The following EVI2A variants were observed in gnomAD, a reference collection of about 807,000 sequenced individuals.
EVI2A encodes protein EVI2A.
Under a neutral mutation model 13.0 loss-of-function variants are expected in EVI2A, and 11 were observed. The observed-to-expected ratio is 0.85, with a 90% CI of 0.53 to 1.40. The LOEUF (loss-of-function observed/expected upper bound fraction) is 1.40, where lower values mean the gene tolerates loss of function less well. EVI2A is among the 40% of genes most tolerant of loss of function. EVI2A has a pLI of 0.00. For missense variants in EVI2A, 267 were observed against 279.5 expected (o/e 0.96, Z 0.32); for synonymous variants, 89 against 98.0 (o/e 0.91, Z 0.54).
rs1244439885 is a variant in EVI2A, at chr17:31,318,838, A to G, written c.176T>C (p.Ile59Thr). ...TTCAGGAGTTATAGGGTTTGTGTTAATGTTTTCATTTTGGTTTCTGCCTGT... is the reference window on the plus strand; with the variant it reads ...TTCAGGAGTTATAGGGTTTGTGTTAGTGTTTTCATTTTGGTTTCTGCCTGT... Reference protein sequence around the residue: ...NKTGRNQNENINTNPITPEVD... With the variant: ...NKTGRNQNENTNTNPITPEVD... Residue 59 changes from isoleucine (I) to threonine (T), a missense_variant, in exon 2 of 2, where the codon ATT becomes ACT. Physicochemically the swap from Ile to Thr is moderately conservative, Grantham distance 89. Coordinates refer to ENST00000462804, the MANE Select transcript of EVI2A (RefSeq NM_014210.4). 1 of 1,613,930 alleles carries G rather than the reference A, an allele frequency of 6.2e-7. No individual in the cohort carries two copies. Among genetic ancestry groups the G allele is most frequent in the Non-Finnish European group, 8.5e-7 (1 of 1,179,958 alleles).
rs2069073570 is a variant in EVI2A at position 31,318,159 on chromosome 17, TC to T, written c.*143del. The T allele has an allele frequency of 1.0e-6, 1 of 963,928 alleles. No individual in the cohort carries two copies. The highest frequency in any genetic ancestry group is 1.5e-6 in the Non-Finnish European group (1 of 658,016). 59.7% of individuals were successfully genotyped at this position (963,928 alleles called of 1,614,324 possible). ...TTAAATAATTAAGCAGGCATACTTC[TC>T]CCTGTCTCACCTGCTTGATTCTAAA... On this transcript the variant is annotated 3_prime_UTR_variant, in exon 2 of 2. Transcript: ENST00000462804.
intron 1 of EVI2A, among the ~76,000 whole-genome samples, chr17:31,319,926 T>C (rs955985208): frequency 1.3e-5 from 2 of 152,100 alleles, no homozygotes; most frequent in African/African-American, 4.8e-5. Context: ...TCTTGATGAT[T>C]TGGGATGAAG....
chr17:31,318,172 T>C lies in EVI2A; in HGVS notation c.*131A>G. On this transcript the variant is annotated 3_prime_UTR_variant, in exon 2 of 2. Coordinates refer to ENST00000462804, the MANE Select transcript of EVI2A (RefSeq NM_014210.4). ...CAGGCATACTTCTCCCTGTCTCACC[T>C]GCTTGATTCTAAATTGCAAGGTCTA... The C allele has an allele frequency of 1.7e-6, 2 of 1,154,680 alleles. No homozygotes were observed. The highest frequency in any genetic ancestry group is 1.2e-6 in the Non-Finnish European group (1 of 825,072). The allele number at this position is 1,154,680 out of a possible 1,614,324, so 71.5% of individuals were successfully genotyped here. A position where few individuals can be genotyped will look rare whatever the true frequency, so the allele number is the denominator to read the frequency against.
intron 1 of EVI2A, chr17:31,320,502 G>A (rs373357702): frequency 8.3e-5 from 113 of 1,367,464 alleles, no homozygotes; most frequent in Non-Finnish European, 1.1e-4. Context: ...GTCATTGGCT[G>A]ACATTTGTAT....
Position 31,318,899 on chromosome 17 carries a change from T to C in EVI2A, c.115A>G (p.Ser39Gly). 2 of 1,614,126 alleles carry C rather than the reference T, an allele frequency of 1.2e-6. No homozygotes were observed. Among genetic ancestry groups the C allele is most frequent in the African/African-American group, 1.3e-5 (1 of 75,058 alleles). Residue 39 changes from serine (S) to glycine (G), a missense_variant, in exon 2 of 2, where the codon AGT (serine) becomes GGT (glycine). By Grantham distance (56) the Ser-to-Gly change is moderately conservative (BLOSUM62 0). Coordinates refer to ENST00000462804, the MANE Select transcript of EVI2A (RefSeq NM_014210.4). ...ATAACTGAATCCCAGGAAGAAGTACTGTTAGCCCACAGACGGGTATAGTTT... is the reference window on the plus strand; with the variant it reads ...ATAACTGAATCCCAGGAAGAAGTACCGTTAGCCCACAGACGGGTATAGTTT... The part of the protein sequence containing the change: ...KANYTRLWAN[S>G]TSSWDSVIQN...
chr17:31,319,085 A>G (rs2069108843), intron 1 of EVI2A, 62 bp from the exon 2 acceptor site: 1 of 1,493,100 alleles, frequency 6.7e-7, no homozygotes, highest in African/African-American at 1.4e-5. Flanking sequence ...AGTTTTGGTA[A>G]TTGTAGTTAA....
At chr17:31,320,116 T>C (rs2069142331) in intron 1 of EVI2A, among the ~76,000 whole-genome samples, 1 of 152,158 alleles carries the variant, frequency 6.6e-6, no homozygotes, top group Admixed American at 6.5e-5. Flanking sequence ...CATGTACTGC[T>C]AACCCAGCAG....
chr17:31,318,037 C>T lies in EVI2A; in HGVS notation c.*266G>A, dbSNP rs2069070752. The T allele has an allele frequency of 2.5e-6, 1 of 407,886 alleles. No individual in the cohort carries two copies. Among genetic ancestry groups the T allele is most frequent in the Admixed American group, 4.1e-5 (1 of 24,098 alleles). The allele number at this position is 407,886 out of a possible 1,614,324, so 25.3% of individuals were successfully genotyped here. A position where few individuals can be genotyped will look rare whatever the true frequency, so the allele number is the denominator to read the frequency against. On this transcript the variant is annotated 3_prime_UTR_variant, in exon 2 of 2. Coordinates refer to ENST00000462804, the MANE Select transcript of EVI2A (RefSeq NM_014210.4). ...ATTATCCCTTGCTATCTCTATTAATCAGTTTCCTCAATTTATCCTTAAAAT... is the reference window on the plus strand; with the variant it reads ...ATTATCCCTTGCTATCTCTATTAATTAGTTTCCTCAATTTATCCTTAAAAT...
At position 31,318,171 on chromosome 17, in the gene EVI2A, C is replaced by T. The variant is rs2069073914; in HGVS notation, c.*132G>A. ...GCAGGCATACTTCTCCCTGTCTCACCTGCTTGATTCTAAATTGCAAGGTCT... is the reference window on the plus strand; with the variant it reads ...GCAGGCATACTTCTCCCTGTCTCACTTGCTTGATTCTAAATTGCAAGGTCT... On this transcript the variant is annotated 3_prime_UTR_variant, in exon 2 of 2. Coordinates refer to ENST00000462804, the MANE Select transcript of EVI2A (RefSeq NM_014210.4). The T allele has an allele frequency of 8.7e-7, 1 of 1,143,750 alleles. No individual in the cohort carries two copies. The highest frequency in any genetic ancestry group is 1.2e-6 in the Non-Finnish European group (1 of 816,502). The allele number at this position is 1,143,750 out of a possible 1,614,324, so 70.9% of individuals were successfully genotyped here. A position where few individuals can be genotyped will look rare whatever the true frequency, so the allele number is the denominator to read the frequency against.
chr17:31,320,091 A>G (rs2069140722), intron 1 of EVI2A, among the ~76,000 whole-genome samples: 1 of 152,138 alleles, frequency 6.6e-6, no homozygotes. Flanking sequence ...GGCATATCTT[A>G]GAATTTAACA....
chr17:31,320,581 T>C (rs1450204558), intron 1 of EVI2A: 8 of 607,636 alleles, frequency 1.3e-5, no homozygotes, highest in Non-Finnish European at 2.0e-5. Context: ...AAGTAGCATG[T>C]AATAAACAAT....
chr17:31,319,126 A>G, intron 1 of EVI2A, 103 bp from the exon 2 acceptor site: 1 of 1,220,230 alleles, frequency 8.2e-7, no homozygotes, highest in Non-Finnish European at 1.1e-6. Flanking sequence ...CAAGTAAACT[A>G]CAAGCTTATG....
chr17:31,318,949 A>G lies in EVI2A; in HGVS notation c.65T>C (p.Phe22Ser). ...LHLAFLMTTV[F>S]SLSPGTKANY... Reference sequence around the variant, plus strand: ...TGCTTTTGTTCCAGGAGACAAAGAAAAAACTGTTGTCATCAGAAAGGCAAG... The same window carrying G: ...TGCTTTTGTTCCAGGAGACAAAGAAGAAACTGTTGTCATCAGAAAGGCAAG... The change falls in exon 2 of 2, where the codon TTT becomes TCT. Residue 22 changes from phenylalanine to serine, a missense_variant. Transcript: ENST00000462804. 2 of 1,613,764 alleles carry G rather than the reference A, an allele frequency of 1.2e-6. No homozygotes were observed. The highest frequency in any genetic ancestry group is 1.7e-6 in the Non-Finnish European group (2 of 1,179,934).
Position 31,318,888 on chromosome 17 carries a change from G to A in EVI2A, c.126C>T (p.Ser42=). 1 of 1,614,020 alleles carries A rather than the reference G, an allele frequency of 6.2e-7. No homozygotes were observed. The highest frequency in any genetic ancestry group is 1.1e-5 in the South Asian group (1 of 91,082). The stretch of plus-strand genomic sequence containing the variant: ...TCTTGTTTTGAATAACTGAATCCCA[G>A]GAAGAAGTACTGTTAGCCCACAGAC... ...YTRLWANSTS[S]WDSVIQNKTG... Residue 42 remains serine (S), a synonymous_variant, in exon 2 of 2, where the codon TCC becomes TCT. Coordinates refer to ENST00000462804, the MANE Select transcript of EVI2A (RefSeq NM_014210.4).
At chr17:31,319,070 A>T in intron 1 of EVI2A, 47 bp from the exon 2 acceptor site, 2 of 1,522,612 alleles carry the variant, frequency 1.3e-6, no homozygotes, top group Non-Finnish European at 1.7e-6. Flanking sequence ...AGAATAATGG[A>T]TCCTAGTTTT....
chr17:31,318,733 AG>A lies in EVI2A; in HGVS notation c.280del (p.Leu94PhefsTer43). On this transcript the variant is annotated frameshift_variant, in exon 2 of 2. Coordinates refer to ENST00000462804, the MANE Select transcript of EVI2A (RefSeq NM_014210.4). LOFTEE classifies it high-confidence loss of function. ...GTTGCTGACGACAGAAGGTATATAA[AG>A]CTCCTGTTCAGATTTAGAAGTTAAA... ...VALTSKSEQE[L>X]YIPSVVSNSP... is the part of the protein sequence containing the mutation. 1 of 1,614,076 alleles carries A rather than the reference AG, an allele frequency of 6.2e-7. No individual in the cohort carries two copies. Among genetic ancestry groups the A allele is most frequent in the East Asian group, 2.2e-5 (1 of 44,882 alleles).
chr17:31,318,158 C>T lies in EVI2A; in HGVS notation c.*145G>A. The T allele has an allele frequency of 2.1e-6, 2 of 948,684 alleles. No individual in the cohort carries two copies. Among genetic ancestry groups the T allele is most frequent in the East Asian group, 2.5e-5 (1 of 39,754 alleles). The allele number at this position is 948,684 out of a possible 1,614,324, so 58.8% of individuals were successfully genotyped here. On this transcript the variant is annotated 3_prime_UTR_variant, in exon 2 of 2. Coordinates refer to ENST00000462804, the MANE Select transcript of EVI2A (RefSeq NM_014210.4). Reference sequence around the variant, plus strand: ...TTTAAATAATTAAGCAGGCATACTTCTCCCTGTCTCACCTGCTTGATTCTA... The same window carrying T: ...TTTAAATAATTAAGCAGGCATACTTTTCCCTGTCTCACCTGCTTGATTCTA...
In EVI2A at chr17:31,318,333, A is replaced by G. The variant is rs369204428; in HGVS notation, c.681T>C (p.Thr227=). The G allele has an allele frequency of 4.5e-5, 72 of 1,608,890 alleles. No homozygotes were observed. Among genetic ancestry groups the G allele is most frequent in the Non-Finnish European group, 5.8e-5 (68 of 1,178,678 alleles). ...CTATCTGTTTGTTAGTAAGTTTTTC[A>G]GTTCCTTCTTCATCTTTTCTTTCCC... ...ATRERKDEEG[T]EKLTNKQIG is the part of the protein sequence containing the mutation. The change falls in exon 2 of 2, where the codon ACT becomes ACC. Residue 227 remains threonine (T), a synonymous_variant. Transcript: ENST00000462804.
chr17:31,318,619 T>G lies in EVI2A; in HGVS notation c.395A>C (p.Asn132Thr). Residue 132 changes from asparagine (N) to threonine (T), a missense_variant, in exon 2 of 2, where the codon AAC (asparagine) becomes ACC (threonine). Physicochemically the swap from Asn to Thr is moderately conservative, Grantham distance 65 (BLOSUM62 0). Transcript: ENST00000462804. ...AATTAAGCAAATTAGCATAGCCATG[T>G]TGTTGTTGTTTTCCGCACAGACATC... The part of the protein sequence containing the change: ...KKDVCAENNN[N>T]MAMLICLIII... The G allele has an allele frequency of 6.2e-7, 1 of 1,613,636 alleles. No individual in the cohort carries two copies. Among genetic ancestry groups the G allele is most frequent in the Non-Finnish European group, 8.5e-7 (1 of 1,179,678 alleles).
Sources: allele counts gnomAD v4.1 joint callset (sites outside exome capture counted in the v4.1 genomes callset), GRCh38; gene constraint gnomAD v4.1.1; transcripts MANE v1.5; gene names NCBI Gene and HGNC (gene_info 2026-07-23, HGNC 2026-07-21).